SLC24A3: variants seen among roughly 807,000 people sequenced by gnomAD.
SLC24A3 encodes sodium/potassium/calcium exchanger 3.
A neutral mutation model predicts 75.8 loss-of-function variants in SLC24A3; 28 were observed. The ratio of observed to expected loss-of-function variants is 0.37; its 90% CI spans 0.27 to 0.51. The LOEUF is 0.51. Among genes scored for constraint, SLC24A3 ranks in the 20% least tolerant of loss-of-function variants. SLC24A3 has a pLI of 0.94. For missense variants in SLC24A3, 663 were observed against 847.8 expected, an observed-to-expected ratio of 0.78 and a Z score of 2.71; for synonymous variants, 372 against 334.1, an observed-to-expected ratio of 1.11 and a Z score of -1.24.
intron 2 of SLC24A3, among the ~76,000 whole-genome samples, chr20:19,512,527 T>C (rs114639986): frequency 0.012 from 1,756 of 152,314 alleles, 40 homozygotes; most frequent in African/African-American, 0.04. Flanking sequence ...GATACACATA[T>C]CTGCAGTTGC....
chr20:19,643,020 A>T (rs1432233526), intron 6 of SLC24A3, among the ~76,000 whole-genome samples: 1 of 152,138 alleles, frequency 6.6e-6, no homozygotes, highest in Non-Finnish European at 1.5e-5. Context: ...TGCTTTCCCT[A>T]CCCTGAGTCA....
At chr20:19,616,322 C>A (rs1013134059) in intron 6 of SLC24A3, among the ~76,000 whole-genome samples, 1 of 152,220 alleles carries the variant, frequency 6.6e-6, no homozygotes, top group Non-Finnish European at 1.5e-5. Context: ...ATGGCCACAT[C>A]CCTCTGCAGC....
chr20:19,242,126 A>T (rs1159146221), intron 1 of SLC24A3, among the ~76,000 whole-genome samples: 1 of 151,722 alleles, frequency 6.6e-6, no homozygotes, highest in Non-Finnish European at 1.5e-5. Flanking sequence ...GAGAATAATA[A>T]CTCAAAGAAT....
At chr20:19,232,768 A>G (rs1380711431) in intron 1 of SLC24A3, among the ~76,000 whole-genome samples, 1 of 152,176 alleles carries the variant, frequency 6.6e-6, no homozygotes, top group Non-Finnish European at 1.5e-5. Flanking sequence ...GTCTAAATCT[A>G]TTTAGAGGGA....
intron 1 of SLC24A3, among the ~76,000 whole-genome samples, chr20:19,280,289 T>C (rs535349132): frequency 6.6e-6 from 1 of 152,318 alleles, no homozygotes; most frequent in African/African-American, 2.4e-5. Flanking sequence ...CATCTCTTGT[T>C]CATTGAAAAC....
intron 1 of SLC24A3, among the ~76,000 whole-genome samples, chr20:19,246,622 G>C (rs181754732): frequency 6.6e-6 from 1 of 152,244 alleles, no homozygotes; most frequent in African/African-American, 2.4e-5. Context: ...TAAAAATTTT[G>C]ATCAGTAGTT....
chr20:19,434,788 G>A (rs1180519806), intron 2 of SLC24A3, among the ~76,000 whole-genome samples: 2 of 151,042 alleles, frequency 1.3e-5, no homozygotes, highest in Non-Finnish European at 2.9e-5. Flanking sequence ...CTCATTTAAT[G>A]CCTAATTAGG....
chr20:19,312,480 A>G (rs1004599692), intron 2 of SLC24A3, among the ~76,000 whole-genome samples: 3 of 152,308 alleles, frequency 2.0e-5, no homozygotes, highest in East Asian at 1.9e-4. Flanking sequence ...AAAAAGTTAA[A>G]ATCATTCTCC....
intron 12 of SLC24A3, among the ~76,000 whole-genome samples, 189 bp downstream of exon 12, chr20:19,685,550 C>T (rs1482707831): frequency 6.6e-6 from 1 of 152,142 alleles, no homozygotes; most frequent in Non-Finnish European, 1.5e-5. Context: ...GATGGGGGTC[C>T]ATGATCATTG....
At chr20:19,510,791 G>C (rs978419117) in intron 2 of SLC24A3, among the ~76,000 whole-genome samples, 6 of 152,212 alleles carry the variant, frequency 3.9e-5, no homozygotes, top group Non-Finnish European at 7.3e-5. Flanking sequence ...AGCCTCCAGA[G>C]CTATGAGAGA....
At chr20:19,358,914 T>C (rs560310764) in intron 2 of SLC24A3, among the ~76,000 whole-genome samples, 1 of 152,370 alleles carries the variant, frequency 6.6e-6, no homozygotes, top group South Asian at 2.1e-4. Flanking sequence ...GTATCATGTT[T>C]TCAGGGTTCA....
intron 2 of SLC24A3, among the ~76,000 whole-genome samples, chr20:19,364,373 A>G (rs1028039304): frequency 5.3e-5 from 8 of 152,090 alleles, no homozygotes; most frequent in Non-Finnish European, 1.2e-4. Flanking sequence ...TCTCAGGGCA[A>G]CCTTATTTTT....
In SLC24A3 at chr20:19,721,239, G is replaced by A. The variant is rs1035008310; in HGVS notation, c.*99G>A. 99 of 1,487,418 alleles carry A rather than the reference G, an allele frequency of 6.7e-5. No homozygotes were observed. Among genetic ancestry groups the A allele is most frequent in the East Asian group, 2.5e-4 (11 of 44,300 alleles). 92.1% of individuals were successfully genotyped at this position (1,487,418 alleles called of 1,614,324 possible). ...ACAGGCCCCCGGGGCCACGGCGTTC[G>A]TCTCTCCTGTGCTGTCCTCAGGCCT... On this transcript the variant is annotated 3_prime_UTR_variant, in exon 17 of 17. Transcript: ENST00000328041.
At chr20:19,470,640 T>C (rs1017615163) in intron 2 of SLC24A3, among the ~76,000 whole-genome samples, 66 of 152,276 alleles carry the variant, frequency 4.3e-4, no homozygotes, top group African/African-American at 1.5e-3. Context: ...TATTGGCTGA[T>C]GCGCTGACAT....
intron 2 of SLC24A3, among the ~76,000 whole-genome samples, chr20:19,299,971 G>A (rs958471066): frequency 3.3e-5 from 5 of 152,136 alleles, no homozygotes; most frequent in African/African-American, 1.2e-4. Flanking sequence ...CTTATTTCCA[G>A]AGCCTCCCAA....
At chr20:19,394,277 G>T (rs545440080) in intron 2 of SLC24A3, among the ~76,000 whole-genome samples, 14 of 152,212 alleles carry the variant, frequency 9.2e-5, no homozygotes, top group Admixed American at 2.6e-4. Flanking sequence ...TAGGAGTAAA[G>T]CTTCCTGCTG....
intron 2 of SLC24A3, among the ~76,000 whole-genome samples, chr20:19,310,396 G>A (rs1174815187): frequency 6.6e-6 from 1 of 152,212 alleles, no homozygotes; most frequent in East Asian, 1.9e-4. Context: ...GCTAGTGTAT[G>A]TTCAGTAAAT....
intron 15 of SLC24A3, among the ~76,000 whole-genome samples, chr20:19,714,560 C>T (rs553021715): frequency 6.6e-5 from 10 of 152,188 alleles, no homozygotes; most frequent in Admixed American, 5.2e-4. Context: ...GGTGGAAGTA[C>T]AAGGGTCAGA....
In SLC24A3 at chr20:19,711,295, A is replaced by ACC. The variant is rs1308108720; in HGVS notation, c.1720-6232_1720-6231insCC. Among the ~76,000 whole-genome samples the ACC allele has an allele frequency of 1.2e-4, 6 of 49,116 alleles. No individual in the cohort carries two copies. In the East Asian group the frequency reaches 9.8e-3, roughly 80 times the overall value. 32.2% of individuals were successfully genotyped at this position (49,116 alleles called of 152,430 possible). On this transcript the variant is annotated intron_variant, in intron 15 of 16. Coordinates refer to ENST00000328041, the MANE Select transcript of SLC24A3 (RefSeq NM_020689.4). ...TGCAAACATATGCATGCAAACACGC[A>ACC]CACACATGCACACATACAAACGCAC... is the stretch of plus-strand genomic sequence containing the variant.
Sources: allele counts gnomAD v4.1 joint callset (sites outside exome capture counted in the v4.1 genomes callset), GRCh38; gene constraint gnomAD v4.1.1; transcripts MANE v1.5; gene names NCBI Gene and HGNC (gene_info 2026-07-23, HGNC 2026-07-21).